Variants in CDC42SE2 observed in about 807,000 individuals in gnomAD.
CDC42SE2 encodes the protein CDC42 small effector 2, also known as CDC42 small effector protein 2.
A neutral mutation model predicts 11.5 loss-of-function variants in CDC42SE2; 3 were observed. The observed-to-expected ratio is 0.26, with a 90% CI of 0.12 to 0.67. The LOEUF (loss-of-function observed/expected upper bound fraction) is 0.67, where lower values mean the gene tolerates loss of function less well. CDC42SE2 is among the 30% of genes least tolerant of loss of function. The probability of loss-of-function intolerance (pLI) is 0.80; values close to 1 mark genes in which losing one functional copy is unlikely to be tolerated. For missense variants in CDC42SE2, 82 were observed against 106.8 expected, an observed-to-expected ratio of 0.77 and a Z score of 1.02; for synonymous variants, 33 against 34.8, an observed-to-expected ratio of 0.95 and a Z score of 0.18.
chr5:131,367,106 A>ATG (rs894582205), intron 3 of CDC42SE2, among the ~76,000 whole-genome samples: 17 of 151,198 alleles, frequency 1.1e-4, no homozygotes, highest in South Asian at 1.0e-3. Flanking sequence ...TCAAATATAT[A>ATG]TGTGTGTGTG....
At chr5:131,329,934 C>T (rs560959935) in intron 2 of CDC42SE2, among the ~76,000 whole-genome samples, 2 of 128,788 alleles carry the variant, frequency 1.6e-5, no homozygotes, top group Non-Finnish European at 3.4e-5. Flanking sequence ...AAGAAGCGCT[C>T]CAGTTATCTA....
At chr5:131,283,036 T>C (rs1317754810) in intron 1 of CDC42SE2, among the ~76,000 whole-genome samples, 1 of 151,240 alleles carries the variant, frequency 6.6e-6, no homozygotes, top group East Asian at 2.0e-4. Context: ...CAAGCGATTC[T>C]CCTGCCTCAG....
At chr5:131,283,985 G>A (rs760067763) in intron 1 of CDC42SE2, among the ~76,000 whole-genome samples, 1 of 152,166 alleles carries the variant, frequency 6.6e-6, no homozygotes, top group Admixed American at 6.5e-5. Flanking sequence ...ATATACCTAG[G>A]AGTAGAGTTG....
At chr5:131,360,826 A>G (rs1749684931) in intron 3 of CDC42SE2, among the ~76,000 whole-genome samples, 1 of 152,140 alleles carries the variant, frequency 6.6e-6, no homozygotes, top group Non-Finnish European at 1.5e-5. Flanking sequence ...CGGCCTCCCA[A>G]AGTGCTGGGA....
intron 1 of CDC42SE2, among the ~76,000 whole-genome samples, chr5:131,313,980 A>G (rs558215164): frequency 6.6e-6 from 1 of 152,274 alleles, no homozygotes; most frequent in African/African-American, 2.4e-5. Flanking sequence ...GGTGTGCACC[A>G]CCATGCCCGA....
intron 1 of CDC42SE2, among the ~76,000 whole-genome samples, chr5:131,307,947 C>T (rs1043311383): frequency 2.3e-4 from 35 of 152,052 alleles, no homozygotes; most frequent in African/African-American, 7.5e-4. Context: ...GTTTGAGTTC[C>T]CTGTAGATTC....
intron 1 of CDC42SE2, among the ~76,000 whole-genome samples, chr5:131,251,376 TC>T (rs1383395531): frequency 7.9e-5 from 12 of 152,332 alleles, no homozygotes; most frequent in African/African-American, 2.9e-4. Flanking sequence ...AAAACTTTCA[TC>T]TTTTCCCCAT....
chr5:131,354,561 A>G (rs1749473641), intron 2 of CDC42SE2: 1 of 152,198 alleles, frequency 6.6e-6, no homozygotes, highest in African/African-American at 2.4e-5. Flanking sequence ...TCGCCATGTG[A>G]GAATCATCTG....
chr5:131,363,688 TCTTA>T (rs1285726671), intron 3 of CDC42SE2, among the ~76,000 whole-genome samples: 2 of 144,222 alleles, frequency 1.4e-5, no homozygotes, highest in Non-Finnish European at 3.0e-5. Flanking sequence ...TTTTTTTTTC[TCTTA>T]CTCTTTTTTT....
chr5:131,259,553 G>A (rs969687578), upstream of CDC42SE2, among the ~76,000 whole-genome samples: 20 of 152,166 alleles, frequency 1.3e-4, no homozygotes, highest in African/African-American at 4.8e-4. Context: ...TCATTCAGAT[G>A]TTCCTATAAA....
At position 131,336,764 on chromosome 5, in the gene CDC42SE2, G is replaced by A. The variant is rs200655968; in HGVS notation, c.-286+20620G>A. On this transcript the variant is annotated intron_variant, in intron 2 of 4. Transcript: ENST00000505065. ...ACCCTTTCTTCCAGTTGATCGCATCGGTTACTGAGGCTTGTGCATTCGTCA... is the reference window on the plus strand; with the variant it reads ...ACCCTTTCTTCCAGTTGATCGCATCAGTTACTGAGGCTTGTGCATTCGTCA... Among the ~76,000 whole-genome samples, 40 of 152,110 alleles carry A rather than the reference G, an allele frequency of 2.6e-4. No individual in the cohort carries two copies. The East Asian group carries it at 5.6e-3, about 21-fold the overall frequency.
intron 3 of CDC42SE2, among the ~76,000 whole-genome samples, chr5:131,379,081 C>T (rs947290959): frequency 6.6e-6 from 1 of 152,200 alleles, no homozygotes; most frequent in Non-Finnish European, 1.5e-5. Context: ...TTACACAACT[C>T]AACTGACTTT....
At chr5:131,296,986 A>C (rs1448231862) in intron 1 of CDC42SE2, among the ~76,000 whole-genome samples, 1 of 152,220 alleles carries the variant, frequency 6.6e-6, no homozygotes, top group South Asian at 2.1e-4. Flanking sequence ...CAGCATATTT[A>C]TTAAAACTAA....
chr5:131,247,971 C>T (rs1269721949), intron 1 of CDC42SE2, among the ~76,000 whole-genome samples: 1 of 151,344 alleles, frequency 6.6e-6, no homozygotes, highest in Non-Finnish European at 1.5e-5. Flanking sequence ...AATTTGATAG[C>T]TATTCATAAT....
chr5:131,320,813 TAA>T (rs959565187), intron 2 of CDC42SE2, among the ~76,000 whole-genome samples: 2 of 152,132 alleles, frequency 1.3e-5, no homozygotes, highest in African/African-American at 4.8e-5. Context: ...TGGTACAGAA[TAA>T]AAAGAGTCCC....
chr5:131,238,144 G>A, the CDC42SE2 span, among the ~76,000 whole-genome samples: 1 of 151,826 alleles, frequency 6.6e-6, no homozygotes, highest in South Asian at 2.1e-4. Flanking sequence ...ATTCTCGGGG[G>A]TGAGGGCAAG....
intron 2 of CDC42SE2, among the ~76,000 whole-genome samples, chr5:131,348,813 A>AGC: frequency 1.3e-5 from 2 of 149,974 alleles, no homozygotes; most frequent in Non-Finnish European, 3.0e-5. Flanking sequence ...AATGGAATAG[A>AGC]AGAGCCCCCG....
chr5:131,232,734 CAAAA>C, the CDC42SE2 span, among the ~76,000 whole-genome samples: 1 of 42,180 alleles, frequency 2.4e-5, no homozygotes, highest in African/African-American at 1.1e-4. Flanking sequence ...GACTCGGTCT[CAAAA>C]AAAAAAAAAA....
intron 1 of CDC42SE2, chr5:131,252,984 A>C (rs1173823365): frequency 6.6e-6 from 1 of 152,218 alleles, no homozygotes; most frequent in East Asian, 1.9e-4. Context: ...TCCTCTTCGC[A>C]CAAGGGTAAT....
Sources: gnomAD v4.1 joint callset for allele counts (sites outside exome capture counted in the v4.1 genomes callset) on GRCh38, gnomAD v4.1.1 for gene constraint, MANE v1.5 for transcripts, NCBI Gene and HGNC (gene_info 2026-07-23, HGNC 2026-07-21) for gene names.